The following KIRREL1 variants were observed in gnomAD, a reference collection of about 807,000 sequenced individuals.
KIRREL1 encodes the protein kirre like nephrin family adhesion molecule 1.
KIRREL1 carries 25 observed loss-of-function variants against 83.3 expected under a neutral mutation model. The observed-to-expected ratio is 0.30, with a 90% CI of 0.22 to 0.42. The LOEUF is 0.42. Among genes scored for constraint, KIRREL1 ranks in the 10% least tolerant of loss-of-function variants. KIRREL1 has a pLI of 1.00. For missense variants in KIRREL1, 812 were observed against 1,032.3 expected, an observed-to-expected ratio of 0.79 and a Z score of 2.92; for synonymous variants, 388 against 410.4, an observed-to-expected ratio of 0.95 and a Z score of 0.66.
chr1:158,052,888 G>T (rs113819624), intron 1 of KIRREL1, among the ~76,000 whole-genome samples: 10 of 152,312 alleles, frequency 6.6e-5, no homozygotes, highest in African/African-American at 2.2e-4. Context: ...ATGGCAGAAG[G>T]CAGAGAGGGG....
At chr1:158,069,331 T>TGTGC (rs1661444190) in intron 1 of KIRREL1, among the ~76,000 whole-genome samples, 1 of 151,776 alleles carries the variant, frequency 6.6e-6, no homozygotes, top group African/African-American at 2.4e-5. Flanking sequence ...TGTGTGTGTG[T>TGTGC]GTGTGTGTGT....
chr1:158,066,176 A>G (rs1661353073), intron 1 of KIRREL1, among the ~76,000 whole-genome samples: 1 of 151,950 alleles, frequency 6.6e-6, no homozygotes, highest in Admixed American at 6.6e-5. Context: ...GAATTTGGAG[A>G]CATGCCAACT....
At chr1:158,074,479 G>A (rs1375958829) in intron 1 of KIRREL1, among the ~76,000 whole-genome samples, 1 of 152,186 alleles carries the variant, frequency 6.6e-6, no homozygotes, top group African/African-American at 2.4e-5. Context: ...TAGAGGAGAT[G>A]TTGGCATTCT....
chr1:158,033,733 C>CA (rs1660391198), intron 1 of KIRREL1, among the ~76,000 whole-genome samples: 1 of 152,170 alleles, frequency 6.6e-6, no homozygotes, highest in African/African-American at 2.4e-5. Flanking sequence ...GTAATCCCAG[C>CA]ACTTTGGGAG....
At chr1:158,039,541 A>G (rs1660569604) in intron 1 of KIRREL1, among the ~76,000 whole-genome samples, 1 of 152,110 alleles carries the variant, frequency 6.6e-6, no homozygotes, top group Non-Finnish European at 1.5e-5. Context: ...CAGAGCCGGG[A>G]TGCGCCTGCA....
In KIRREL1 at chr1:158,089,797, C is replaced by T; in HGVS notation, c.1251C>T (p.Ser417=). Residue 417 remains serine (S), a synonymous_variant, in exon 10 of 15, where the codon AGC becomes AGT. Transcript: ENST00000359209. The stretch of plus-strand genomic sequence containing the variant: ...GCAAGGTGGAGTGTTTCATTGGGAG[C>T]ACACCACCCCCAGACCGCATAGTGA... ...DGGKVECFIG[S]TPPPDRIAWA... is the part of the protein sequence containing the mutation. 3 of 1,614,064 alleles carry T rather than the reference C, an allele frequency of 1.9e-6. 1 individual carries two copies. Among genetic ancestry groups the T allele is most frequent in the Admixed American group, 1.7e-5 (1 of 60,016 alleles).
chr1:158,062,337 C>T (rs1348647369), intron 1 of KIRREL1, among the ~76,000 whole-genome samples: 4 of 152,228 alleles, frequency 2.6e-5, no homozygotes, highest in Non-Finnish European at 5.9e-5. Context: ...AGACCTGCTC[C>T]TACAGCTCTT....
chr1:158,008,933 C>T (rs1175643009), intron 1 of KIRREL1, among the ~76,000 whole-genome samples: 1 of 151,950 alleles, frequency 6.6e-6, no homozygotes, highest in East Asian at 1.9e-4. Context: ...GGAGGGGACA[C>T]CATTCCTGCT....
intron 1 of KIRREL1, among the ~76,000 whole-genome samples, chr1:158,063,493 T>C (rs1661271641): frequency 6.6e-6 from 1 of 152,212 alleles, no homozygotes; most frequent in African/African-American, 2.4e-5. Flanking sequence ...TACCACTGCA[T>C]GACACTGGTA....
Position 158,094,359 on chromosome 1 carries a change from C to T in KIRREL1, c.1766C>T (p.Thr589Ile), listed in dbSNP as rs1662292957. 6.2e-7 allele frequency: 1 copy of T among 1,612,406 alleles called. No homozygotes were observed. Among genetic ancestry groups the T allele is most frequent in the Non-Finnish European group, 8.5e-7 (1 of 1,179,566 alleles). The change falls in exon 14 of 15, where the codon ACC (threonine) becomes ATC (isoleucine). Residue 589 changes from threonine to isoleucine, a missense_variant. By Grantham distance (89) the Thr-to-Ile change is moderately conservative. Coordinates refer to ENST00000359209, the MANE Select transcript of KIRREL1 (RefSeq NM_018240.7). The surrounding 1 kb of genome is among the most constrained non-coding windows in gnomAD (Gnocchi z 4.6). ...VDLKQDLRCDTIDTREEYEMK... is the reference protein window; with the variant it reads ...VDLKQDLRCDIIDTREEYEMK... ...CTGAAGCAGGACCTGCGCTGCGACA[C>T]CATCGACACCCGGGAGGAGTATGAG...
At chr1:158,084,227 A>G (rs1294161158) in intron 3 of KIRREL1, among the ~76,000 whole-genome samples, 195 bp from the exon 4 acceptor site, 1 of 152,180 alleles carries the variant, frequency 6.6e-6, no homozygotes, top group Non-Finnish European at 1.5e-5. Flanking sequence ...ACTGGGAAAG[A>G]TGTGTGAGCT....
At chr1:158,067,578 TCTC>T (rs1661389284) in intron 1 of KIRREL1, among the ~76,000 whole-genome samples, 1 of 152,162 alleles carries the variant, frequency 6.6e-6, no homozygotes, top group African/African-American at 2.4e-5. Context: ...AAGTGAATCT[TCTC>T]CTCCCTTTTA....
intron 1 of KIRREL1, among the ~76,000 whole-genome samples, chr1:158,058,832 C>T (rs1661135572): frequency 6.6e-6 from 1 of 152,228 alleles, no homozygotes; most frequent in Admixed American, 6.5e-5. Flanking sequence ...GGGGTCCAAA[C>T]CCAGCTCATC....
intron 3 of KIRREL1, among the ~76,000 whole-genome samples, chr1:158,083,576 G>A (rs1006687812): frequency 6.6e-6 from 1 of 152,242 alleles, no homozygotes; most frequent in African/African-American, 2.4e-5. Flanking sequence ...GAGCAGGGGA[G>A]TGGCACATAC....
intron 11 of KIRREL1, 74 bp downstream of exon 11, chr1:158,091,630 C>T (rs550897277): frequency 1.4e-6 from 2 of 1,401,406 alleles, no homozygotes; most frequent in African/African-American, 2.8e-5. Flanking sequence ...TCTCCAGGGG[C>T]AGGGCTCAGC....
intron 1 of KIRREL1, among the ~76,000 whole-genome samples, chr1:158,056,851 A>G (rs1431894744): frequency 2.6e-5 from 4 of 152,072 alleles, no homozygotes; most frequent in South Asian, 2.1e-4. Context: ...TGAACTTCTC[A>G]TGTGGAACAT....
intron 1 of KIRREL1, among the ~76,000 whole-genome samples, chr1:158,008,539 G>T (rs955410931): frequency 6.6e-6 from 1 of 152,100 alleles, no homozygotes; most frequent in South Asian, 2.1e-4. Context: ...ATAGGGAAAG[G>T]AAGGGCAGGG....
intron 1 of KIRREL1, among the ~76,000 whole-genome samples, chr1:158,040,277 A>C (rs952512609): frequency 2.6e-5 from 4 of 152,224 alleles, no homozygotes; most frequent in Admixed American, 6.5e-5. Flanking sequence ...CTCTGACCAT[A>C]CATCTAACTG....
chr1:158,071,288 G>A (rs1271623684), intron 1 of KIRREL1, among the ~76,000 whole-genome samples: 1 of 152,190 alleles, frequency 6.6e-6, no homozygotes, highest in African/African-American at 2.4e-5. Flanking sequence ...CTGCGTGGGT[G>A]TCTGTCTTTG....
Sources: allele counts gnomAD v4.1 joint callset (sites outside exome capture counted in the v4.1 genomes callset), GRCh38; gene constraint gnomAD v4.1.1; non-coding constraint Gnocchi (gnomAD v3.1); transcripts MANE v1.5; gene names NCBI Gene and HGNC (gene_info 2026-07-23, HGNC 2026-07-21).